The following TRERF1 variants were observed in gnomAD, a reference collection of about 807,000 sequenced individuals.
TRERF1 encodes transcriptional-regulating factor 1.
TRERF1 carries 27 observed loss-of-function variants against 122.9 expected under a neutral mutation model. The observed-to-expected ratio is 0.22, with a 90% CI of 0.16 to 0.30. TRERF1 has a LOEUF of 0.30. Among genes scored for constraint, TRERF1 ranks in the 10% least tolerant of loss-of-function variants. The pLI, the probability that TRERF1 is intolerant of heterozygous loss-of-function variation, is 1.00. For synonymous variants in TRERF1, 636 were observed against 641.7 expected (o/e 0.99, Z 0.13); for missense variants, 1,248 against 1,560.3 (o/e 0.80, Z 3.37).
chr6:42,390,645 C>T (rs1413558204), intron 2 of TRERF1, among the ~76,000 whole-genome samples: 1 of 152,160 alleles, frequency 6.6e-6, no homozygotes, highest in Admixed American at 6.5e-5. Context: ...CTGAGACAGA[C>T]AGGACCGTAC....
chr6:42,333,578 T>A (rs1000639751), intron 3 of TRERF1, among the ~76,000 whole-genome samples: 8 of 152,366 alleles, frequency 5.3e-5, no homozygotes, highest in Middle Eastern at 3.4e-3. Flanking sequence ...GGGCTTGGCC[T>A]GAGAACTGAC....
chr6:42,279,718 T>C (rs1781951200), intron 4 of TRERF1, among the ~76,000 whole-genome samples: 1 of 152,104 alleles, frequency 6.6e-6, no homozygotes, highest in African/African-American at 2.4e-5. Context: ...ATCCTGGCCA[T>C]GCACATTGAG....
chr6:42,434,668 C>CCACACAGACA (rs1554218672), intron 2 of TRERF1, among the ~76,000 whole-genome samples: 8,313 of 114,868 alleles, frequency 0.072, 343 homozygotes, highest in Non-Finnish European at 0.099. Context: ...ACACCCTCCA[C>CCACACAGACA]CACACACACA....
chr6:42,247,419 A>T lies in TRERF1; in HGVS notation c.2657-875T>A, dbSNP rs148573513. On this transcript the variant is annotated intron_variant, in intron 13 of 17. Transcript: ENST00000372922. ...AGTTATTCATCATTAGGTTCTACTA[A>T]CAATCCTGTAAGATTGTTAGGATGA... is the stretch of plus-strand genomic sequence containing the variant. Among the ~76,000 whole-genome samples the T allele has an allele frequency of 6.6e-5, 10 of 152,358 alleles. No individual in the cohort carries two copies. In the East Asian group the frequency reaches 1.5e-3, roughly 23 times the overall value.
At chr6:42,313,384 A>G (rs903674902) in intron 3 of TRERF1, among the ~76,000 whole-genome samples, 2 of 152,186 alleles carry the variant, frequency 1.3e-5, no homozygotes, top group Non-Finnish European at 2.9e-5. Flanking sequence ...AGTTTTCTTC[A>G]TATGACAAGC....
At chr6:42,260,239 G>A (rs564775748) in intron 8 of TRERF1, among the ~76,000 whole-genome samples, 1 of 152,062 alleles carries the variant, frequency 6.6e-6, no homozygotes, top group African/African-American at 2.4e-5. Flanking sequence ...GCTCTCCTGG[G>A]TCACTTTCAG....
intron 2 of TRERF1, among the ~76,000 whole-genome samples, chr6:42,381,069 G>C (rs1379257778): frequency 6.6e-6 from 1 of 152,168 alleles, no homozygotes. Flanking sequence ...CAGACTGGGA[G>C]GTCCTGGAGA....
intron 8 of TRERF1, among the ~76,000 whole-genome samples, chr6:42,262,095 G>C (rs1165461285): frequency 3.3e-5 from 5 of 151,992 alleles, no homozygotes; most frequent in African/African-American, 1.2e-4. Context: ...GCCAAAGCAC[G>C]AACTTCCCTG....
At chr6:42,288,483 G>C (rs1035404821) in intron 4 of TRERF1, among the ~76,000 whole-genome samples, 1 of 150,154 alleles carries the variant, frequency 6.7e-6, no homozygotes, top group Non-Finnish European at 1.5e-5. Context: ...CAGGAGAATC[G>C]CTTGAATCCA....
intron 2 of TRERF1, among the ~76,000 whole-genome samples, chr6:42,440,562 T>C (rs1786324035): frequency 6.6e-6 from 1 of 152,180 alleles, no homozygotes; most frequent in Non-Finnish European, 1.5e-5. Context: ...GCCCTAATGC[T>C]GATACCCCAT....
At chr6:42,348,714 T>C (rs1008375740) in intron 3 of TRERF1, among the ~76,000 whole-genome samples, 2 of 152,202 alleles carry the variant, frequency 1.3e-5, no homozygotes, top group African/African-American at 4.8e-5. Context: ...ATAATGATAT[T>C]CACTAAGTAT....
At chr6:42,444,100 C>T (rs1358759988) in intron 2 of TRERF1, among the ~76,000 whole-genome samples, 5 of 151,480 alleles carry the variant, frequency 3.3e-5, no homozygotes, top group African/African-American at 1.2e-4. Context: ...ATGCAGACCC[C>T]ATGGCTGGGA....
At chr6:42,235,968 TGGGCA>T (rs1409804929) in intron 16 of TRERF1, among the ~76,000 whole-genome samples, 1 of 152,210 alleles carries the variant, frequency 6.6e-6, no homozygotes, top group African/African-American at 2.4e-5. Flanking sequence ...CACACACTCC[TGGGCA>T]TGGGGGCCTT....
intron 2 of TRERF1, among the ~76,000 whole-genome samples, chr6:42,403,203 A>C (rs1779668619): frequency 6.6e-6 from 1 of 152,024 alleles, no homozygotes; most frequent in Non-Finnish European, 1.5e-5. Flanking sequence ...AGGCCCAAAA[A>C]AGCAGGTAAA....
Position 42,232,829 on chromosome 6 carries a change from T to C in TRERF1, c.3130A>G (p.Thr1044Ala). 1 of 1,612,430 alleles carries C rather than the reference T, an allele frequency of 6.2e-7. No homozygotes were observed. Among genetic ancestry groups the C allele is most frequent in the Non-Finnish European group, 8.5e-7 (1 of 1,179,290 alleles). ...GAGGGGATGGCACCTCGGGCCTTGG[T>C]CACCTGGTTGGTGCCCCCGTGGATG... The change falls in exon 17 of 18, where the codon ACC becomes GCC. Residue 1044 changes from threonine to alanine, a missense_variant. Physicochemically the swap from Thr to Ala is moderately conservative, Grantham distance 58. Transcript: ENST00000372922. The surrounding 1 kb of genome is among the most constrained non-coding windows in gnomAD (Gnocchi z 4.5).
At chr6:42,233,511 T>C (rs567181658) in intron 16 of TRERF1, among the ~76,000 whole-genome samples, 149 of 152,110 alleles carry the variant, frequency 9.8e-4, no homozygotes, top group Non-Finnish European at 1.8e-3. Context: ...GGTCTCGATC[T>C]CCTGACCTTG....
At chr6:42,337,715 A>G (rs1766469741) in intron 3 of TRERF1, among the ~76,000 whole-genome samples, 1 of 152,186 alleles carries the variant, frequency 6.6e-6, no homozygotes, top group Non-Finnish European at 1.5e-5. Flanking sequence ...GAGGAGCTTA[A>G]GCAGGAGGGA....
At chr6:42,418,176 A>G (rs260291) in intron 2 of TRERF1, among the ~76,000 whole-genome samples, 137,860 of 144,122 alleles carry the variant, frequency 0.96, 66,150 homozygotes, top group Middle Eastern at 1. Flanking sequence ...TCGTTGGTTC[A>G]TTCGTTCTTT....
chr6:42,451,634 TCTC>T (rs1788550932), intron 1 of TRERF1, among the ~76,000 whole-genome samples, 37 bp downstream of exon 1: 1 of 38,960 alleles, frequency 2.6e-5, no homozygotes, highest in Non-Finnish European at 4.9e-5. Context: ...CACCCCTCCC[TCTC>T]CTCCTCCCCA....
Sources: allele counts gnomAD v4.1 joint callset (sites outside exome capture counted in the v4.1 genomes callset), GRCh38; gene constraint gnomAD v4.1.1; non-coding constraint Gnocchi (gnomAD v3.1); transcripts MANE v1.5; gene names NCBI Gene and HGNC (gene_info 2026-07-23, HGNC 2026-07-21).